Variants in CALCRL observed in about 807,000 individuals in gnomAD.
CALCRL encodes the protein calcitonin receptor like receptor, also known as calcitonin gene-related peptide type 1 receptor.
A neutral mutation model predicts 60.4 loss-of-function variants in CALCRL; 27 were observed. The ratio of observed to expected loss-of-function variants is 0.45; its 90% CI spans 0.33 to 0.62. The LOEUF (loss-of-function observed/expected upper bound fraction) is 0.62. Among genes scored for constraint, CALCRL ranks in the 20% least tolerant of loss-of-function variants. The probability of loss-of-function intolerance (pLI) is 0.03; values close to 1 mark genes in which losing one functional copy is unlikely to be tolerated. For missense variants in CALCRL, 424 were observed against 540.7 expected (o/e 0.78, Z 2.14); for synonymous variants, 190 against 182.6 (o/e 1.04, Z -0.33).
At chr2:187,378,175 G>A (rs535251670) in intron 8 of CALCRL, among the ~76,000 whole-genome samples, 5 of 152,138 alleles carry the variant, frequency 3.3e-5, no homozygotes, top group Admixed American at 6.5e-5. Flanking sequence ...AGCAGTGGCG[G>A]TGGCAGCCAC....
At chr2:187,370,415 T>G (rs972525900) in intron 8 of CALCRL, among the ~76,000 whole-genome samples, 1 of 152,226 alleles carries the variant, frequency 6.6e-6, no homozygotes, top group South Asian at 2.1e-4. Context: ...ATTCAAATAA[T>G]GATATAATTT....
In CALCRL at chr2:187,352,137, T is replaced by C. The variant is rs1296983884; in HGVS notation, c.1105A>G (p.Met369Val). ...KIAEEVYDYI[M>V]HILMHFQGLL... The stretch of plus-strand genomic sequence containing the variant: ...ACCTGGAAGTGCATAAGGATGTGCA[T>C]GATGTAGTCATATACCTCCTCTGCA... Residue 369 changes from methionine (M) to valine (V), a missense_variant, in exon 13 of 15, where the codon ATG becomes GTG. By Grantham distance (21) the Met-to-Val change is conservative. This residue lies in a region of CALCRL where 222 missense variants were observed against 265.6 expected (regional missense o/e 0.84). Transcript: ENST00000392370. 1.2e-6 allele frequency: 2 copies of C among 1,612,178 alleles called. No individual in the cohort carries two copies. Among genetic ancestry groups the C allele is most frequent in the African/African-American group, 2.7e-5 (2 of 74,784 alleles).
intron 12 of CALCRL, among the ~76,000 whole-genome samples, chr2:187,353,330 G>A (rs1686617144): frequency 6.6e-6 from 1 of 151,708 alleles, no homozygotes; most frequent in African/African-American, 2.4e-5. Flanking sequence ...CCTTAGTTCT[G>A]GCATCTGCCC....
intron 1 of CALCRL, among the ~76,000 whole-genome samples, chr2:187,410,480 G>A (rs1046420980): frequency 1.3e-5 from 2 of 152,158 alleles, no homozygotes; most frequent in African/African-American, 4.8e-5. Flanking sequence ...AGGTGAGGGA[G>A]CTGTATTCTG....
intron 1 of CALCRL, among the ~76,000 whole-genome samples, chr2:187,421,103 A>C (rs997989554): frequency 6.6e-6 from 1 of 152,192 alleles, no homozygotes; most frequent in African/African-American, 2.4e-5. Flanking sequence ...TTGTCATCTG[A>C]AAATAACTTT....
intron 1 of CALCRL, among the ~76,000 whole-genome samples, chr2:187,400,251 T>C (rs1301125521): frequency 2.0e-5 from 3 of 151,248 alleles, no homozygotes; most frequent in African/African-American, 7.3e-5. Flanking sequence ...GGGCAAAGGA[T>C]CTAACAAATA....
chr2:187,411,978 C>CAAAAAA (rs56075258), intron 1 of CALCRL, among the ~76,000 whole-genome samples: 2 of 61,462 alleles, frequency 3.3e-5, no homozygotes, highest in Non-Finnish European at 6.6e-5. Flanking sequence ...GACTCTGTCT[C>CAAAAAA]AAAAAAAAAA....
chr2:187,359,929 TATAG>T (rs10539169), intron 10 of CALCRL, among the ~76,000 whole-genome samples: 5,897 of 152,000 alleles, frequency 0.039, 360 homozygotes, highest in African/African-American at 0.13. Context: ...ATGATAGAGA[TATAG>T]ATAGATAGAT....
chr2:187,412,014 G>A (rs1307309808), intron 1 of CALCRL, among the ~76,000 whole-genome samples: 1 of 149,022 alleles, frequency 6.7e-6, no homozygotes, highest in Non-Finnish European at 1.5e-5. Flanking sequence ...ATTACATCCT[G>A]TGTGCAGAGA....
chr2:187,441,881 CA>C (rs1482186449), intron 1 of CALCRL: 1 of 151,298 alleles, frequency 6.6e-6, no homozygotes, highest in Non-Finnish European at 1.5e-5. Context: ...AGAGGGATAC[CA>C]AAAGACAGAT....
chr2:187,389,675 A>G (rs898198018), intron 1 of CALCRL, among the ~76,000 whole-genome samples: 24 of 152,064 alleles, frequency 1.6e-4, no homozygotes, highest in Admixed American at 1.6e-3. Flanking sequence ...TAGATGGAGA[A>G]ACTTACATCA....
intron 10 of CALCRL, among the ~76,000 whole-genome samples, 168 bp from the exon 11 acceptor site, chr2:187,359,440 AAAG>A (rs918877332): frequency 3.3e-5 from 5 of 152,212 alleles, no homozygotes; most frequent in African/African-American, 1.2e-4. Flanking sequence ...TACACATTAT[AAAG>A]TATTAGGTAT....
chr2:187,363,629 A>G, intron 8 of CALCRL, 127 bp from the exon 9 acceptor site: 1 of 976,418 alleles, frequency 1.0e-6, no homozygotes, highest in Non-Finnish European at 1.4e-6. Context: ...TTTTCTCCCT[A>G]AGATCCACTC....
At chr2:187,385,414 A>G in intron 4 of CALCRL, 131 bp downstream of exon 4, 1 of 580,956 alleles carries the variant, frequency 1.7e-6, no homozygotes, top group Non-Finnish European at 3.0e-6. Flanking sequence ...ATGAAAACAC[A>G]TTATTGCTGT....
intron 1 of CALCRL, among the ~76,000 whole-genome samples, chr2:187,423,099 A>G (rs1034765957): frequency 6.6e-6 from 1 of 152,080 alleles, no homozygotes; most frequent in African/African-American, 2.4e-5. Context: ...TTTCTCGTTT[A>G]AAATTTCAGA....
chr2:187,387,315 C>T lies in CALCRL; in HGVS notation c.-37+14G>A, dbSNP rs1401747338. Reference sequence around the variant, plus strand: ...CACAATTTGTGCCATTGCTAGCCCTCGCCAATGACTCACCTAGAAGTTGTA... The same window carrying T: ...CACAATTTGTGCCATTGCTAGCCCTTGCCAATGACTCACCTAGAAGTTGTA... On this transcript the variant is annotated intron_variant, in intron 3 of 14. Transcript: ENST00000392370. 6.5e-6 allele frequency: 1 copy of T among 155,030 alleles called. No individual in the cohort carries two copies. Among genetic ancestry groups the T allele is most frequent in the Non-Finnish European group, 1.4e-5 (1 of 69,928 alleles). 9.6% of individuals were successfully genotyped at this position (155,030 alleles called of 1,614,324 possible).
At chr2:187,385,755 T>TC in intron 3 of CALCRL, 124 bp from the exon 4 acceptor site, 1 of 628,106 alleles carries the variant, frequency 1.6e-6, no homozygotes, top group Non-Finnish European at 2.7e-6. Context: ...AAAGATTTGA[T>TC]AAATCATTTT....
intron 3 of CALCRL, among the ~76,000 whole-genome samples, chr2:187,385,895 G>A (rs929031149): frequency 6.6e-6 from 1 of 151,974 alleles, no homozygotes; most frequent in African/African-American, 2.4e-5. Context: ...GATTACAGGT[G>A]AGCGCCACCA....
At chr2:187,385,878 G>A (rs1688185167) in intron 3 of CALCRL, among the ~76,000 whole-genome samples, 1 of 152,028 alleles carries the variant, frequency 6.6e-6, no homozygotes, top group Non-Finnish European at 1.5e-5. Context: ...AGCCTCCCAA[G>A]TAGATGGATT....
Sources: gnomAD v4.1 joint callset for allele counts (sites outside exome capture counted in the v4.1 genomes callset) on GRCh38, gnomAD v4.1.1 for gene constraint, gnomAD v4.1.1 regional missense constraint, MANE v1.5 for transcripts, NCBI Gene and HGNC (gene_info 2026-07-23, HGNC 2026-07-21) for gene names.